The following ATP8B1 variants were observed in gnomAD, a reference collection of about 807,000 sequenced individuals.
ATP8B1 encodes the protein phospholipid-transporting ATPase IC.
Under a neutral mutation model 149.9 loss-of-function variants are expected in ATP8B1, and 80 were observed. That is an observed-to-expected ratio of 0.53 (90% CI 0.45 to 0.64). ATP8B1 has a LOEUF of 0.64. Ranked by LOEUF, ATP8B1 falls within the 30% of genes least tolerant of loss-of-function variation. The pLI, the probability that ATP8B1 is intolerant of heterozygous loss-of-function variation, is 0.00. For synonymous variants in ATP8B1, 536 were observed against 562.8 expected, an observed-to-expected ratio of 0.95 and a Z score of 0.67; for missense variants, 1,247 against 1,552.6, an observed-to-expected ratio of 0.80 and a Z score of 3.31.
chr18:57,792,902 G>A (rs538579226), intron 1 of ATP8B1, among the ~76,000 whole-genome samples: 2 of 152,286 alleles, frequency 1.3e-5, no homozygotes, highest in East Asian at 3.9e-4. Flanking sequence ...AGCTGCAGCA[G>A]CAGCCCTGGC....
chr18:57,709,949 G>C (rs1043992722), intron 2 of ATP8B1, among the ~76,000 whole-genome samples: 1 of 151,670 alleles, frequency 6.6e-6, no homozygotes, highest in African/African-American at 2.4e-5. Flanking sequence ...CAAAGTGCTG[G>C]GATTACAGGC....
rs530615401 is a variant in ATP8B1, at chr18:57,707,115, G to A, written c.182-528C>T. Among the ~76,000 whole-genome samples the A allele has an allele frequency of 2.3e-4, 35 of 152,270 alleles. No homozygotes were observed. The South Asian group carries it at 6.4e-3, about 28-fold the overall frequency. On this transcript the variant is annotated intron_variant, in intron 2 of 27. Coordinates refer to ENST00000648908, the MANE Select transcript of ATP8B1 (RefSeq NM_001374385.1). The stretch of plus-strand genomic sequence containing the variant: ...AGGTCAGGAGTTCAAGACCAGCCTG[G>A]CCAAGGTGGTGAAACCCCGTCTCTA...
chr18:57,750,293 A>G (rs933461096), intron 1 of ATP8B1, among the ~76,000 whole-genome samples: 2 of 152,202 alleles, frequency 1.3e-5, no homozygotes, highest in Admixed American at 1.3e-4. Flanking sequence ...TAAATCAGCA[A>G]TCAGAAATAA....
At chr18:57,693,215 T>C (rs319446) in intron 11 of ATP8B1, among the ~76,000 whole-genome samples, 112,004 of 152,136 alleles carry the variant, frequency 0.74, 44,165 homozygotes, top group Admixed American at 0.87. Context: ...TCAAATTGAA[T>C]TAAATACTTG....
At chr18:57,687,361 C>A (rs1280799997) in intron 13 of ATP8B1, among the ~76,000 whole-genome samples, 1 of 152,196 alleles carries the variant, frequency 6.6e-6, no homozygotes, top group Non-Finnish European at 1.5e-5. Flanking sequence ...GACTGGCTTA[C>A]TTCACTTAGC....
In ATP8B1 at chr18:57,784,597, G is replaced by A. The variant is rs1441078407; in HGVS notation, c.-26+18401C>T. ...GAAGGCTTAAGCACCAGCTAGAGGGGTATCATCTTCTCAACTGATGTCAGA... is the reference window on the plus strand; with the variant it reads ...GAAGGCTTAAGCACCAGCTAGAGGGATATCATCTTCTCAACTGATGTCAGA... On this transcript the variant is annotated intron_variant, in intron 1 of 27. Transcript: ENST00000648908. The surrounding 1 kb of genome is among the most constrained non-coding windows in gnomAD (Gnocchi z 4.4). Among the ~76,000 whole-genome samples the A allele has an allele frequency of 6.6e-6, 1 of 152,136 alleles. No homozygotes were observed. The highest frequency in any genetic ancestry group is 1.5e-5 in the Non-Finnish European group (1 of 68,026).
chr18:57,664,082 T>C (rs1360647200), intron 20 of ATP8B1, among the ~76,000 whole-genome samples: 1 of 151,558 alleles, frequency 6.6e-6, no homozygotes, highest in Non-Finnish European at 1.5e-5. Context: ...TTTTTTTTTT[T>C]TTTTTAACTG....
chr18:57,803,069 G>C lies in ATP8B1; in HGVS notation c.-97C>G, dbSNP rs1399886961. 6.6e-6 allele frequency: 1 copy of C among 151,622 alleles called. No individual in the cohort carries two copies. The highest frequency in any genetic ancestry group is 2.4e-5 in the African/African-American group (1 of 41,384). The allele number at this position is 151,622 out of a possible 1,614,324, so 9.4% of individuals were successfully genotyped here. A position where few individuals can be genotyped will look rare whatever the true frequency, so the allele number is the denominator to read the frequency against. On this transcript the variant is annotated 5_prime_UTR_variant, in exon 1 of 28. Coordinates refer to ENST00000648908, the MANE Select transcript of ATP8B1 (RefSeq NM_001374385.1). Reference sequence around the variant, plus strand: ...GCTCGGAGCGCTCGCTGCGCACCTGGCCGCTGCCGCCGCCCGCCCGGCCCC... The same window carrying C: ...GCTCGGAGCGCTCGCTGCGCACCTGCCCGCTGCCGCCGCCCGCCCGGCCCC...
Position 57,655,262 on chromosome 18 carries a change from A to G in ATP8B1, c.2863T>C (p.Phe955Leu). Residue 955 changes from phenylalanine (F) to leucine (L), a missense_variant, in exon 23 of 28, where the codon TTT becomes CTT. Phe to Leu is a conservative substitution (Grantham distance 22, BLOSUM62 0). Transcript: ENST00000648908. ...AAAGTAAAGGCAAAGTTTTTGTAAA[A>G]GAAGTATCGTAGGAACTTGCACATC... ...IRMCKFLRYF[F>L]YKNFAFTLVH... The G allele has an allele frequency of 6.2e-7, 1 of 1,614,230 alleles. No individual in the cohort carries two copies.
intron 19 of ATP8B1, chr18:57,668,052 G>A (rs1429001795): frequency 3.2e-6 from 4 of 1,256,754 alleles, no homozygotes; most frequent in Non-Finnish European, 4.1e-6. Context: ...GAAAACCAAA[G>A]TTATTGTTCA....
At chr18:57,675,051 A>G in intron 15 of ATP8B1, 29 bp from the exon 16 acceptor site, 2 of 1,610,004 alleles carry the variant, frequency 1.2e-6, no homozygotes, top group African/African-American at 1.3e-5. Flanking sequence ...AAATCCCAGA[A>G]AAGCTGTAAA....
intron 13 of ATP8B1, among the ~76,000 whole-genome samples, chr18:57,686,737 T>C (rs1457861393): frequency 6.6e-6 from 1 of 152,048 alleles, no homozygotes; most frequent in Non-Finnish European, 1.5e-5. Context: ...GGTTTTGTCA[T>C]GTTGCCCAGG....
Position 57,697,835 on chromosome 18 carries a change from A to G in ATP8B1, c.587T>C (p.Val196Ala). 1 of 1,614,078 alleles carries G rather than the reference A, an allele frequency of 6.2e-7. No individual in the cohort carries two copies. The highest frequency in any genetic ancestry group is 8.5e-7 in the Non-Finnish European group (1 of 1,179,954). Residue 196 changes from valine to alanine, a missense_variant, in exon 7 of 28, where the codon GTT becomes GCT. Val to Ala is a moderately conservative substitution (Grantham distance 64). Around this residue, in one of 3 missense-constraint regions of ATP8B1, gnomAD observed 853 missense variants for 1,035.7 expected, o/e 0.82. Transcript: ENST00000648908. ...TTTTTTCAGACGAATGACGTCTCCAACTTGAATTTCTTTCCACTTAGCAAC... is the reference window on the plus strand; with the variant it reads ...TTTTTTCAGACGAATGACGTCTCCAGCTTGAATTTCTTTCCACTTAGCAAC... Reference protein sequence around the residue: ...FKVAKWKEIQVGDVIRLKKND... With the variant: ...FKVAKWKEIQAGDVIRLKKND...
chr18:57,791,858 A>T (rs970346006), intron 1 of ATP8B1, among the ~76,000 whole-genome samples: 4 of 152,092 alleles, frequency 2.6e-5, no homozygotes, highest in Non-Finnish European at 5.9e-5. Context: ...CTTTTGTTCA[A>T]TATTTTGTTT....
At chr18:57,736,604 G>C (rs893199821) in intron 1 of ATP8B1, among the ~76,000 whole-genome samples, 1 of 146,888 alleles carries the variant, frequency 6.8e-6, no homozygotes, top group Non-Finnish European at 1.5e-5. Context: ...GGGACTACCA[G>C]TGCATGCCAC....
intron 17 of ATP8B1, among the ~76,000 whole-genome samples, chr18:57,670,499 G>A (rs1911160208): frequency 1.3e-5 from 2 of 150,798 alleles, no homozygotes; most frequent in South Asian, 4.2e-4. Context: ...TTACAGGCGG[G>A]TGCCACTGCA....
intron 13 of ATP8B1, among the ~76,000 whole-genome samples, chr18:57,686,325 T>C (rs1912243085): frequency 6.6e-6 from 1 of 151,828 alleles, no homozygotes; most frequent in Non-Finnish European, 1.5e-5. Context: ...AAATTTACCA[T>C]ATTAACCGAT....
intron 1 of ATP8B1, among the ~76,000 whole-genome samples, chr18:57,777,913 C>T (rs919866404): frequency 1.3e-5 from 2 of 152,122 alleles, no homozygotes; most frequent in African/African-American, 4.8e-5. Context: ...GAAGGTTGTA[C>T]CATTTGCATG....
At chr18:57,654,109 A>T in intron 23 of ATP8B1, 34 bp from the exon 24 acceptor site, 1 of 1,542,136 alleles carries the variant, frequency 6.5e-7, no homozygotes, top group Non-Finnish European at 9.0e-7. Context: ...CATGTCACCA[A>T]CAAAGACACA....
Sources: gnomAD v4.1 joint callset for allele counts (sites outside exome capture counted in the v4.1 genomes callset) on GRCh38, gnomAD v4.1.1 for gene constraint, gnomAD v4.1.1 regional missense constraint, Gnocchi (gnomAD v3.1) non-coding constraint, MANE v1.5 for transcripts, NCBI Gene and HGNC (gene_info 2026-07-23, HGNC 2026-07-21) for gene names.